The following TFCP2L1 variants were observed in gnomAD, a reference collection of about 807,000 sequenced individuals.
TFCP2L1 encodes transcription factor CP2-like protein 1.
Under a neutral mutation model 72.2 loss-of-function variants are expected in TFCP2L1, and 12 were observed. The ratio of observed to expected loss-of-function variants is 0.17; its 90% CI spans 0.11 to 0.27. The LOEUF is 0.27. TFCP2L1 is among the 10% of genes least tolerant of loss of function. The pLI, the probability that TFCP2L1 is intolerant of heterozygous loss-of-function variation, is 1.00. For missense variants in TFCP2L1, 488 were observed against 624.6 expected (o/e 0.78, Z 2.33); for synonymous variants, 260 against 251.0 (o/e 1.04, Z -0.34).
At chr2:121,271,320 A>G (rs570488397) in intron 2 of TFCP2L1, among the ~76,000 whole-genome samples, 6 of 152,296 alleles carry the variant, frequency 3.9e-5, no homozygotes, top group African/African-American at 1.4e-4. Context: ...ATGTTTGTCT[A>G]TGGAAGCAGA....
At chr2:121,268,536 A>G (rs1686979677) in intron 2 of TFCP2L1, among the ~76,000 whole-genome samples, 1 of 152,070 alleles carries the variant, frequency 6.6e-6, no homozygotes, top group Admixed American at 6.6e-5. Flanking sequence ...TCTAAATTTT[A>G]TATGGCCAAA....
chr2:121,270,368 G>C (rs994755005), intron 2 of TFCP2L1, among the ~76,000 whole-genome samples: 2 of 152,212 alleles, frequency 1.3e-5, no homozygotes, highest in Non-Finnish European at 2.9e-5. Context: ...CAAGTATTCA[G>C]ATAGTTATTG....
chr2:121,249,130 C>G, intron 3 of TFCP2L1, 43 bp from the exon 4 acceptor site: 1 of 1,400,762 alleles, frequency 7.1e-7, no homozygotes, highest in Admixed American at 2.5e-5. Flanking sequence ...CCGCGGGGGG[C>G]CAAGAGGAAC....
At chr2:121,272,841 G>A (rs1687071080) in intron 2 of TFCP2L1, among the ~76,000 whole-genome samples, 1 of 152,182 alleles carries the variant, frequency 6.6e-6, no homozygotes, top group South Asian at 2.1e-4. Context: ...AGGAATTGGA[G>A]GCAAAGAAAG....
At chr2:121,238,727 G>C (rs1686301584) in intron 8 of TFCP2L1, among the ~76,000 whole-genome samples, 1 of 151,922 alleles carries the variant, frequency 6.6e-6, no homozygotes, top group Non-Finnish European at 1.5e-5. Context: ...TGAGTCTCAG[G>C]GAGGTTAAGG....
At chr2:121,240,980 A>G (rs116137063) in intron 7 of TFCP2L1, among the ~76,000 whole-genome samples, 2,812 of 152,254 alleles carry the variant, frequency 0.018, 60 homozygotes, top group African/African-American at 0.062. Flanking sequence ...GTCAGCCAAG[A>G]CCGGGCCACT....
chr2:121,229,850 T>C (rs1686104053), intron 13 of TFCP2L1, among the ~76,000 whole-genome samples: 1 of 152,244 alleles, frequency 6.6e-6, no homozygotes, highest in Admixed American at 6.5e-5. Context: ...ACCAGTCCAA[T>C]TCCAAACCCT....
At chr2:121,225,426 T>G (rs1686008581) in intron 14 of TFCP2L1, 136 bp downstream of exon 14, 2 of 834,536 alleles carry the variant, frequency 2.4e-6, no homozygotes, top group Non-Finnish European at 3.9e-6. Flanking sequence ...AGGGCTAGCT[T>G]TCACGGAGAG....
chr2:121,224,565 T>C (rs1414078506), intron 14 of TFCP2L1, among the ~76,000 whole-genome samples, 178 bp from the exon 15 acceptor site: 1 of 152,158 alleles, frequency 6.6e-6, no homozygotes, highest in Admixed American at 6.5e-5. Flanking sequence ...CTGCCTCGTT[T>C]AGTGTCTTTT....
At chr2:121,239,984 G>A in intron 7 of TFCP2L1, 2 of 950,266 alleles carry the variant, frequency 2.1e-6, no homozygotes, top group African/African-American at 3.5e-5. Context: ...CCAGCCAGTT[G>A]TTCACAAACA....
intron 2 of TFCP2L1, among the ~76,000 whole-genome samples, chr2:121,266,353 A>G (rs1323297831): frequency 5.9e-5 from 9 of 151,958 alleles, no homozygotes; most frequent in Admixed American, 4.6e-4. Flanking sequence ...ACTTACTGAG[A>G]CCCTATGATG....
chr2:121,236,709 C>G (rs1355651997), intron 10 of TFCP2L1, among the ~76,000 whole-genome samples: 1 of 152,100 alleles, frequency 6.6e-6, no homozygotes, highest in Non-Finnish European at 1.5e-5. Context: ...CCTCTCCTCC[C>G]CGGGCCACTC....
intron 2 of TFCP2L1, among the ~76,000 whole-genome samples, chr2:121,255,959 G>A (rs1389889427): frequency 6.6e-6 from 1 of 152,032 alleles, no homozygotes; most frequent in East Asian, 1.9e-4. Context: ...AGCCAGGATG[G>A]TCTCGATCTC....
At chr2:121,275,032 A>G (rs1158021317) in intron 2 of TFCP2L1, among the ~76,000 whole-genome samples, 1 of 152,172 alleles carries the variant, frequency 6.6e-6, no homozygotes, top group Non-Finnish European at 1.5e-5. Context: ...ATTACACTGT[A>G]TATTTTTTCC....
At chr2:121,271,671 G>T (rs1042329362) in intron 2 of TFCP2L1, among the ~76,000 whole-genome samples, 3 of 152,194 alleles carry the variant, frequency 2.0e-5, no homozygotes, top group African/African-American at 7.2e-5. Context: ...GGTACTTATT[G>T]TTTGCCAGGT....
intron 1 of TFCP2L1, 23 bp from the exon 2 acceptor site, chr2:121,281,294 G>T: frequency 6.4e-7 from 1 of 1,573,016 alleles, no homozygotes. Flanking sequence ...GGAAGCAGAG[G>T]TCAGGAGCAG....
chr2:121,278,344 C>T (rs1244071052), intron 2 of TFCP2L1, among the ~76,000 whole-genome samples: 1 of 149,500 alleles, frequency 6.7e-6, no homozygotes, highest in African/African-American at 2.4e-5. Flanking sequence ...CCCTTTTTCT[C>T]TCTTTTAACT....
intron 2 of TFCP2L1, among the ~76,000 whole-genome samples, chr2:121,272,843 C>T (rs1463251525): frequency 1.3e-5 from 2 of 152,136 alleles, no homozygotes; most frequent in African/African-American, 4.8e-5. Context: ...GAATTGGAGG[C>T]AAAGAAAGGT....
chr2:121,266,894 T>G (rs1395240445), intron 2 of TFCP2L1, among the ~76,000 whole-genome samples: 2 of 124,184 alleles, frequency 1.6e-5, no homozygotes, highest in African/African-American at 3.8e-5. Flanking sequence ...TATTTATTTA[T>G]TTATTTATTT....
Sources: gnomAD v4.1 joint callset for allele counts (sites outside exome capture counted in the v4.1 genomes callset) on GRCh38, gnomAD v4.1.1 for gene constraint, MANE v1.5 for transcripts, NCBI Gene and HGNC (gene_info 2026-07-23, HGNC 2026-07-21) for gene names.